Variants in EXOC6B observed in about 807,000 individuals in gnomAD.
EXOC6B encodes the protein SEC15 homolog B.
In EXOC6B, 54 loss-of-function variants were observed where a neutral mutation model predicts 113.5. That is an observed-to-expected ratio of 0.48 (90% CI 0.38 to 0.60). The LOEUF is 0.60. EXOC6B is among the 20% of genes least tolerant of loss of function. EXOC6B has a pLI of 0.00. For synonymous variants in EXOC6B, 357 were observed against 339.0 expected (o/e 1.05, Z -0.58); for missense variants, 797 against 977.5 (o/e 0.82, Z 2.46).
intron 20 of EXOC6B, among the ~76,000 whole-genome samples, chr2:72,196,482 A>C (rs1400873757): frequency 6.6e-6 from 1 of 152,220 alleles, no homozygotes; most frequent in Non-Finnish European, 1.5e-5. Context: ...TGCATTTAAA[A>C]TCAATTTTGT....
chr2:72,306,194 TA>T (rs1686846932), intron 20 of EXOC6B, among the ~76,000 whole-genome samples: 1 of 152,060 alleles, frequency 6.6e-6, no homozygotes, highest in African/African-American at 2.4e-5. Context: ...AAAAACAAGG[TA>T]AATAATAGAT....
chr2:72,222,946 ACTCT>A (rs994365914), intron 20 of EXOC6B, among the ~76,000 whole-genome samples: 1 of 151,916 alleles, frequency 6.6e-6, no homozygotes, highest in African/African-American at 2.4e-5. Context: ...CAATATACTC[ACTCT>A]CTCTTCACAG....
intron 20 of EXOC6B, among the ~76,000 whole-genome samples, chr2:72,280,091 T>A (rs1406983680): frequency 6.6e-6 from 1 of 152,222 alleles, no homozygotes; most frequent in Non-Finnish European, 1.5e-5. Flanking sequence ...ATTTATTGAG[T>A]ACTTAATCTA....
rs555385229 is a variant in EXOC6B, at chr2:72,644,693, T to A, written c.670-69025A>T. On this transcript the variant is annotated intron_variant, in intron 6 of 21. Transcript: ENST00000272427. ...ATTTCATATTCAGCTAAACTAAGCT[T>A]CATAAGTGAAGGAGAAATAAAATCC... is the stretch of plus-strand genomic sequence containing the variant. Among the ~76,000 whole-genome samples the A allele has an allele frequency of 3.9e-5, 6 of 152,176 alleles. No homozygotes were observed. The South Asian group carries it at 8.3e-4, about 21-fold the overall frequency.
chr2:72,722,492 C>G (rs1680073099), intron 5 of EXOC6B, among the ~76,000 whole-genome samples: 1 of 152,016 alleles, frequency 6.6e-6, no homozygotes, highest in East Asian at 1.9e-4. Flanking sequence ...AATGTTTTCC[C>G]TCATGTGTTC....
In EXOC6B at chr2:72,610,292, A is replaced by T. The variant is rs544491309; in HGVS notation, c.670-34624T>A. On this transcript the variant is annotated intron_variant, in intron 6 of 21. Coordinates refer to ENST00000272427, the MANE Select transcript of EXOC6B (RefSeq NM_015189.3). ...TAACATAAATTACTTTGCGCTATCC[A>T]TTGAAGAGAACTATTAAAATAGCAA... is the stretch of plus-strand genomic sequence containing the variant. Among the ~76,000 whole-genome samples, 6 of 152,350 alleles carry T rather than the reference A, an allele frequency of 3.9e-5. No homozygotes were observed. In the South Asian group the frequency reaches 1.2e-3, roughly 32 times the overall value.
rs1490020342 is a variant in EXOC6B, at chr2:72,825,324, G to C, written c.113+474C>G. The stretch of plus-strand genomic sequence containing the variant: ...TCCATCCAGGCCTAGGATTTCCAGG[G>C]ACTCGTTTCTGAGAAGTGGCTGTGA... On this transcript the variant is annotated intron_variant, in intron 1 of 21. Transcript: ENST00000272427. This position sits in a 1 kb window ranked among gnomAD's most constrained non-coding sequence, Gnocchi z 4.4. 6.6e-5 allele frequency among the ~76,000 whole-genome samples: 10 copies of C among 152,250 alleles called. No homozygotes were observed. The highest frequency in any genetic ancestry group is 2.2e-4 in the African/African-American group (9 of 41,536).
intron 6 of EXOC6B, among the ~76,000 whole-genome samples, chr2:72,627,022 G>A (rs1672094258): frequency 6.6e-6 from 1 of 152,084 alleles, no homozygotes. Flanking sequence ...CAGAGGGTGG[G>A]TGGGTTGAAG....
intron 18 of EXOC6B, chr2:72,462,086 T>C (rs1326150176): frequency 1.3e-5 from 2 of 152,090 alleles, no homozygotes; most frequent in African/African-American, 4.8e-5. Flanking sequence ...TTCTACAGAA[T>C]GAAATACTCC....
intron 16 of EXOC6B, among the ~76,000 whole-genome samples, chr2:72,487,814 G>C (rs1263296119): frequency 2.0e-5 from 3 of 152,166 alleles, no homozygotes; most frequent in Non-Finnish European, 4.4e-5. Context: ...CATATGAAAG[G>C]TACATACTAT....
chr2:72,192,012 G>C (rs58532732), intron 20 of EXOC6B, among the ~76,000 whole-genome samples: 6,382 of 152,278 alleles, frequency 0.042, 450 homozygotes, highest in African/African-American at 0.14. Flanking sequence ...AGAATGGCCT[G>C]CTTGTTCCTC....
chr2:72,502,166 T>C (rs1274025011), intron 11 of EXOC6B, among the ~76,000 whole-genome samples: 1 of 152,252 alleles, frequency 6.6e-6, no homozygotes, highest in Non-Finnish European at 1.5e-5. Flanking sequence ...TGTACTAATT[T>C]TTGGCATACA....
At chr2:72,301,095 T>C (rs184982437) in intron 20 of EXOC6B, among the ~76,000 whole-genome samples, 1 of 139,390 alleles carries the variant, frequency 7.2e-6, no homozygotes, top group East Asian at 1.9e-4. Context: ...CATCTCTTGA[T>C]ATAATCATGT....
chr2:72,342,332 G>T lies in EXOC6B; in HGVS notation c.2123-7312C>A, dbSNP rs185624191. 2.9e-4 allele frequency among the ~76,000 whole-genome samples: 44 copies of T among 152,112 alleles called. 1 individual carries two copies. In the East Asian group the frequency reaches 8.3e-3, roughly 29 times the overall value. ...AATAAAACTAAGAGTTAGCTTTCTT[G>T]AAAAGATAAACAAAATTGACAAGCC... On this transcript the variant is annotated intron_variant, in intron 19 of 21. Coordinates refer to ENST00000272427, the MANE Select transcript of EXOC6B (RefSeq NM_015189.3).
At chr2:72,769,744 G>A (rs1024256873) in intron 1 of EXOC6B, among the ~76,000 whole-genome samples, 1 of 152,140 alleles carries the variant, frequency 6.6e-6, no homozygotes, top group African/African-American at 2.4e-5. Context: ...CTCAGGAGGT[G>A]GAGGTTGCAG....
chr2:72,705,090 G>A (rs989321346), intron 6 of EXOC6B, among the ~76,000 whole-genome samples: 20 of 151,090 alleles, frequency 1.3e-4, no homozygotes, highest in African/African-American at 4.8e-4. Context: ...TAAAATACTG[G>A]CAAACTGAAT....
At chr2:72,189,150 C>T (rs532970685) in intron 20 of EXOC6B, among the ~76,000 whole-genome samples, 2 of 152,294 alleles carry the variant, frequency 1.3e-5, no homozygotes, top group South Asian at 2.1e-4. Flanking sequence ...TGTTCCACTA[C>T]ATGATATAAT....
chr2:72,756,449 T>C (rs1348902503), intron 1 of EXOC6B, among the ~76,000 whole-genome samples: 1 of 152,088 alleles, frequency 6.6e-6, no homozygotes, highest in African/African-American at 2.4e-5. Context: ...CTCAAGAACA[T>C]TAGCAGAAAA....
At chr2:72,583,826 T>C (rs1705375930) in intron 6 of EXOC6B, among the ~76,000 whole-genome samples, 1 of 152,108 alleles carries the variant, frequency 6.6e-6, no homozygotes, top group Non-Finnish European at 1.5e-5. Context: ...GTTCAAGCTA[T>C]TCTCATGCCT....
Sources: allele counts gnomAD v4.1 joint callset (sites outside exome capture counted in the v4.1 genomes callset), GRCh38; gene constraint gnomAD v4.1.1; non-coding constraint Gnocchi (gnomAD v3.1); transcripts MANE v1.5; gene names NCBI Gene and HGNC (gene_info 2026-07-23, HGNC 2026-07-21).